Variants in KCNQ5 observed in about 807,000 individuals in gnomAD.
KCNQ5 encodes the protein potassium voltage-gated channel subfamily Q member 5.
KCNQ5 carries 30 observed loss-of-function variants against 98.2 expected under a neutral mutation model. The observed-to-expected ratio is 0.31, with a 90% confidence interval of 0.23 to 0.41. The LOEUF (loss-of-function observed/expected upper bound fraction) is 0.41. Ranked by LOEUF, KCNQ5 falls within the 10% of genes least tolerant of loss-of-function variation. The pLI is 1.00. For missense variants in KCNQ5, 835 were observed against 1,182.5 expected, an observed-to-expected ratio of 0.71 and a Z score of 4.31; for synonymous variants, 458 against 449.4, an observed-to-expected ratio of 1.02 and a Z score of -0.24.
chr6:72,787,225 G>T (rs1403698724), intron 1 of KCNQ5, among the ~76,000 whole-genome samples: 1 of 151,928 alleles, frequency 6.6e-6, no homozygotes, highest in Non-Finnish European at 1.5e-5. Context: ...AAAATTTTTT[G>T]ATGAAAATTG....
At chr6:72,867,462 C>G (rs1348979175) in intron 1 of KCNQ5, among the ~76,000 whole-genome samples, 1 of 152,146 alleles carries the variant, frequency 6.6e-6, no homozygotes, top group Non-Finnish European at 1.5e-5. Context: ...TGCATTAGTG[C>G]TGTGTGTGTT....
intron 5 of KCNQ5, among the ~76,000 whole-genome samples, chr6:73,094,458 A>G (rs1774395469): frequency 6.6e-6 from 1 of 151,944 alleles, no homozygotes; most frequent in South Asian, 2.1e-4. Context: ...TTGCCTGTAT[A>G]CCTTGGTTTT....
intron 5 of KCNQ5, among the ~76,000 whole-genome samples, chr6:73,096,965 C>T (rs1165714031): frequency 6.6e-6 from 1 of 151,982 alleles, no homozygotes; most frequent in African/African-American, 2.4e-5. Flanking sequence ...ATCACTTGAA[C>T]CTGCGAGGCA....
At chr6:72,838,396 T>A (rs1776609038) in intron 1 of KCNQ5, among the ~76,000 whole-genome samples, 1 of 152,222 alleles carries the variant, frequency 6.6e-6, no homozygotes, top group East Asian at 1.9e-4. Context: ...TCACAGATAT[T>A]CCCTACCATC....
intron 1 of KCNQ5, among the ~76,000 whole-genome samples, chr6:72,720,622 G>A (rs1769907033): frequency 6.6e-6 from 1 of 152,116 alleles, no homozygotes. Flanking sequence ...CTTTTATGAG[G>A]AATCCATGCT....
At chr6:72,955,029 G>A (rs1400706816) in intron 1 of KCNQ5, among the ~76,000 whole-genome samples, 1 of 152,228 alleles carries the variant, frequency 6.6e-6, no homozygotes, top group Non-Finnish European at 1.5e-5. Flanking sequence ...CCAGATAGGA[G>A]AAGTCTCTTG....
At chr6:72,758,279 C>T (rs866539390) in intron 1 of KCNQ5, among the ~76,000 whole-genome samples, 3 of 152,110 alleles carry the variant, frequency 2.0e-5, no homozygotes, top group Admixed American at 6.6e-5. Context: ...CTTAAATCTT[C>T]CCAGCCCTCC....
chr6:73,006,607 C>T (rs58410601), intron 2 of KCNQ5, among the ~76,000 whole-genome samples: 8,442 of 152,052 alleles, frequency 0.056, 785 homozygotes, highest in African/African-American at 0.19. Flanking sequence ...GAACCGGGAT[C>T]GCACCACTGC....
intron 13 of KCNQ5, among the ~76,000 whole-genome samples, chr6:73,193,311 C>G (rs571351493): frequency 1.7e-4 from 26 of 151,738 alleles, no homozygotes; most frequent in African/African-American, 6.3e-4. Context: ...TGAGCCATAG[C>G]ACTCTGCAGG....
chr6:72,750,683 T>A (rs1462823572), intron 1 of KCNQ5, among the ~76,000 whole-genome samples: 1 of 152,052 alleles, frequency 6.6e-6, no homozygotes, highest in Admixed American at 6.6e-5. Context: ...CATTAAAATA[T>A]CTTAATTTGA....
At chr6:72,796,069 A>G (rs1001821174) in intron 1 of KCNQ5, among the ~76,000 whole-genome samples, 5 of 152,130 alleles carry the variant, frequency 3.3e-5, no homozygotes, top group African/African-American at 1.2e-4. Flanking sequence ...CCAAATTCCA[A>G]TAGCTCACAC....
rs186199179 is a variant in KCNQ5 at position 72,643,122 on chromosome 6, G to A, written c.398+20535G>A. 3.4e-3 allele frequency among the ~76,000 whole-genome samples: 525 copies of A among 152,212 alleles called. 3 individuals are homozygous for A. Among genetic ancestry groups the A allele is most frequent in the African/African-American group, 0.012 (503 of 41,544 alleles). Reference sequence around the variant, plus strand: ...GGAGTCTACTTGAGGGTGGAAGTTGGGAGGAGGGAGAGGAACAGAAAAAAT... The same window carrying A: ...GGAGTCTACTTGAGGGTGGAAGTTGAGAGGAGGGAGAGGAACAGAAAAAAT... On this transcript the variant is annotated intron_variant, in intron 1 of 13. Coordinates refer to ENST00000370398, the MANE Select transcript of KCNQ5 (RefSeq NM_019842.4).
chr6:72,674,599 G>A (rs758959301), intron 1 of KCNQ5, among the ~76,000 whole-genome samples: 17 of 152,002 alleles, frequency 1.1e-4, no homozygotes, highest in Non-Finnish European at 2.4e-4. Flanking sequence ...GTGAAACCCC[G>A]TCTCTACTAA....
At chr6:72,942,577 T>C (rs1050870649) in intron 1 of KCNQ5, among the ~76,000 whole-genome samples, 7 of 152,216 alleles carry the variant, frequency 4.6e-5, no homozygotes, top group African/African-American at 1.7e-4. Flanking sequence ...TATACTAATT[T>C]ACTTTTAACT....
intron 1 of KCNQ5, among the ~76,000 whole-genome samples, chr6:72,671,990 G>C (rs1337300646): frequency 6.7e-6 from 1 of 150,164 alleles, no homozygotes; most frequent in Non-Finnish European, 1.5e-5. Flanking sequence ...CTAATTTTTT[G>C]TATTTTTAGT....
At chr6:72,649,363 G>T (rs1765764520) in intron 1 of KCNQ5, among the ~76,000 whole-genome samples, 1 of 152,104 alleles carries the variant, frequency 6.6e-6, no homozygotes, top group Non-Finnish European at 1.5e-5. Flanking sequence ...AAACCAAGGG[G>T]TTTAAGAACC....
intron 1 of KCNQ5, among the ~76,000 whole-genome samples, chr6:72,828,351 A>T (rs1043154994): frequency 6.6e-6 from 1 of 152,142 alleles, no homozygotes; most frequent in Non-Finnish European, 1.5e-5. Context: ...TAATTCTTCT[A>T]ATCCATGACC....
At chr6:72,998,659 C>A (rs1348372023) in intron 1 of KCNQ5, among the ~76,000 whole-genome samples, 1 of 151,860 alleles carries the variant, frequency 6.6e-6, no homozygotes, top group Non-Finnish European at 1.5e-5. Context: ...ATGGCGTGAA[C>A]CCGGGAGAAG....
At chr6:73,075,143 TG>T (rs1773474482) in intron 3 of KCNQ5, among the ~76,000 whole-genome samples, 2 of 152,068 alleles carry the variant, frequency 1.3e-5, no homozygotes, top group South Asian at 4.1e-4. Context: ...ATTTACAAAG[TG>T]AAAAGCCCCT....
Sources: allele counts gnomAD v4.1 joint callset (sites outside exome capture counted in the v4.1 genomes callset), GRCh38; gene constraint gnomAD v4.1.1; transcripts MANE v1.5; gene names NCBI Gene and HGNC (gene_info 2026-07-23, HGNC 2026-07-21).